Variants in FANCE observed in about 807,000 individuals in gnomAD.
FANCE encodes FA complementation group E.
In FANCE, 42 loss-of-function variants were observed where a neutral mutation model predicts 57.8. The ratio of observed to expected loss-of-function variants is 0.73; its 90% CI spans 0.57 to 0.94. The LOEUF (loss-of-function observed/expected upper bound fraction) is 0.94, where lower values mean the gene tolerates loss of function less well. Ranked by LOEUF, FANCE falls within the 40% of genes least tolerant of loss-of-function variation. FANCE has a pLI of 0.00. For missense variants in FANCE, 608 were observed against 661.8 expected (o/e 0.92, Z 0.89); for synonymous variants, 251 against 286.4 (o/e 0.88, Z 1.25).
At chr6:35,462,117 A>ATTTTTT (rs1554122312) in intron 8 of FANCE, among the ~76,000 whole-genome samples, 3 of 149,824 alleles carry the variant, frequency 2.0e-5, no homozygotes, top group African/African-American at 7.4e-5. Flanking sequence ...AATAATTATT[A>ATTTTTT]TTTTTTTTGA....
At position 35,462,794 on chromosome 6, in the gene FANCE, G is replaced by A; in HGVS notation, c.1389G>A (p.Glu463=). 2 of 1,614,154 alleles carry A rather than the reference G, an allele frequency of 1.2e-6. No individual in the cohort carries two copies. The highest frequency in any genetic ancestry group is 1.7e-6 in the Non-Finnish European group (2 of 1,179,986). The change falls in exon 9 of 10, where the codon GAG becomes GAA. Residue 463 remains glutamate, a synonymous_variant. Transcript: ENST00000229769. ...CCATCTCCCAATGTGTGCAGGTGGA[G>A]ATGACCCCTGAGAAGTTCAGTGTCT... ...VLQSLLERQV[E]MTPEKFSVLM...
At chr6:35,461,293 G>A (rs1202224517) in intron 8 of FANCE, among the ~76,000 whole-genome samples, 1 of 152,176 alleles carries the variant, frequency 6.6e-6, no homozygotes, top group African/African-American at 2.4e-5. Context: ...CAAAGGGCTG[G>A]GATTAAAAGC....
chr6:35,452,840 C>T, intron 1 of FANCE, 47 bp downstream of exon 1: 4 of 1,281,638 alleles, frequency 3.1e-6, no homozygotes, highest in East Asian at 3.1e-5. Context: ...AGGCGGGGGG[C>T]TGTCGGGGGA....
chr6:35,457,563 T>C lies in FANCE; in HGVS notation c.863T>C (p.Leu288Pro), dbSNP rs773473387. ...LELPKAIQDQLPRLQQLLKTL... is the reference protein window; with the variant it reads ...LELPKAIQDQPPRLQQLLKTL... The stretch of plus-strand genomic sequence containing the variant: ...CTGGGCTCTCCTCCACAGGACCAGC[T>C]TCCCAGGCTGCAGCAGCTGCTGAAG... The change falls in exon 3 of 10, where the codon CTT becomes CCT. Residue 288 changes from leucine to proline, a missense_variant. Coordinates refer to ENST00000229769, the MANE Select transcript of FANCE (RefSeq NM_021922.3). 6.2e-7 allele frequency: 1 copy of C among 1,613,870 alleles called. No homozygotes were observed. Among genetic ancestry groups the C allele is most frequent in the South Asian group, 1.1e-5 (1 of 91,074 alleles).
At position 35,452,507 on chromosome 6, in the gene FANCE, A is replaced by G. The variant is rs563275313; in HGVS notation, c.-39A>G. 2.6e-4 allele frequency: 328 copies of G among 1,245,858 alleles called. 1 individual carries two copies. The African/African-American group carries it at 4.2e-3, about 16-fold the overall frequency. 77.2% of individuals were successfully genotyped at this position (1,245,858 alleles called of 1,614,324 possible). ...CCCTCAGCCTCTGAGCTGAGGCCCC[A>G]CACCAGAGTAGGGGGCGGCGCGGCA... On this transcript the variant is annotated 5_prime_UTR_variant, in exon 1 of 10. Transcript: ENST00000229769.
chr6:35,455,894 G>A lies in FANCE; in HGVS notation c.396G>A (p.Trp132Ter), dbSNP rs866005940. 2 of 1,614,192 alleles carry A rather than the reference G, an allele frequency of 1.2e-6. No homozygotes were observed. The highest frequency in any genetic ancestry group is 1.1e-5 in the South Asian group (1 of 91,088). Residue 132 changes from tryptophan (W) to a stop codon, truncating the protein, a stop_gained, in exon 2 of 10, where the codon TGG (tryptophan) becomes TGA (stop). Coordinates refer to ENST00000229769, the MANE Select transcript of FANCE (RefSeq NM_021922.3). LOFTEE classifies it high-confidence loss of function. ...ACCTAGCCCCTGACCCAGATGCCTG[G>A]CTCCGTGCCCTGGGGGAATTGCTGC... ...QQDLAPDPDA[W>*]LRALGELLRR...
Position 35,452,483 on chromosome 6 carries a change from C to T in FANCE, c.-63C>T, listed in dbSNP as rs902928030. 196 of 1,217,842 alleles carry T rather than the reference C, an allele frequency of 1.6e-4. 1 individual carries two copies. In the African/African-American group the frequency reaches 2.5e-3, roughly 15 times the overall value. 75.4% of individuals were successfully genotyped at this position (1,217,842 alleles called of 1,614,324 possible). On this transcript the variant is annotated 5_prime_UTR_variant, in exon 1 of 10. Transcript: ENST00000229769. ...GGACGGCGCTGGAGTCCTCCGTTCC[C>T]CTCAGCCTCTGAGCTGAGGCCCCAC...
intron 5 of FANCE, 104 bp downstream of exon 5, chr6:35,458,544 C>T: frequency 1.4e-6 from 2 of 1,442,608 alleles, no homozygotes; most frequent in Non-Finnish European, 1.9e-6. Context: ...GCCTTGTAGA[C>T]ATCTGGGCTG....
At chr6:35,455,019 GAC>G (rs1237746239) in intron 1 of FANCE, among the ~76,000 whole-genome samples, 1 of 152,266 alleles carries the variant, frequency 6.6e-6, no homozygotes, top group Non-Finnish European at 1.5e-5. Context: ...CTGGACAGAT[GAC>G]TGACCCCGAG....
chr6:35,457,225 C>T (rs1767382268), intron 2 of FANCE, among the ~76,000 whole-genome samples: 2 of 152,064 alleles, frequency 1.3e-5, no homozygotes, highest in Admixed American at 6.5e-5. Flanking sequence ...CTCCTGGGCT[C>T]AAGTGATCCT....
At position 35,452,375 on chromosome 6, in the gene FANCE, C is replaced by T. The variant is rs987975923; in HGVS notation, c.-171C>T. ...GACAGCGCGGGAACGGCTGCGGCTTCGGGCGGCCGGGTTTCTCCGGTCTCC... is the reference window on the plus strand; with the variant it reads ...GACAGCGCGGGAACGGCTGCGGCTTTGGGCGGCCGGGTTTCTCCGGTCTCC... On this transcript the variant is annotated 5_prime_UTR_variant, in exon 1 of 10. Coordinates refer to ENST00000229769, the MANE Select transcript of FANCE (RefSeq NM_021922.3). 4.4e-6 allele frequency: 3 copies of T among 674,738 alleles called. No individual in the cohort carries two copies. The highest frequency in any genetic ancestry group is 5.1e-4 in the Middle Eastern group (1 of 1,970). 41.8% of individuals were successfully genotyped at this position (674,738 alleles called of 1,614,324 possible).
chr6:35,466,570 T>C lies in FANCE; in HGVS notation c.*225T>C, dbSNP rs1767848319. On this transcript the variant is annotated 3_prime_UTR_variant, in exon 10 of 10. Transcript: ENST00000229769. ...AGCTCAGCTATATTTTCTTTTTCAT[T>C]TCTTTTGTTTTTGAGAGAAGGTATT... The C allele has an allele frequency of 1.9e-6, 1 of 537,838 alleles. No homozygotes were observed. The highest frequency in any genetic ancestry group is 1.9e-5 in the African/African-American group (1 of 52,766). The allele number at this position is 537,838 out of a possible 1,614,324, so 33.3% of individuals were successfully genotyped here.
Position 35,452,504 on chromosome 6 carries a change from C to A in FANCE, c.-42C>A. ...TTCCCCTCAGCCTCTGAGCTGAGGC[C>A]CCACACCAGAGTAGGGGGCGGCGCG... On this transcript the variant is annotated 5_prime_UTR_variant, in exon 1 of 10. Transcript: ENST00000229769. 1 of 1,244,270 alleles carries A rather than the reference C, an allele frequency of 8.0e-7. No homozygotes were observed. The highest frequency in any genetic ancestry group is 1.0e-6 in the Non-Finnish European group (1 of 993,946). 77.1% of individuals were successfully genotyped at this position (1,244,270 alleles called of 1,614,324 possible).
At chr6:35,460,316 A>G (rs1767535667) in intron 7 of FANCE, among the ~76,000 whole-genome samples, 1 of 152,102 alleles carries the variant, frequency 6.6e-6, no homozygotes, top group African/African-American at 2.4e-5. Context: ...GGATTTCACC[A>G]TGTTGGCCAG....
At chr6:35,461,374 C>T (rs1327637659) in intron 8 of FANCE, among the ~76,000 whole-genome samples, 3 of 152,140 alleles carry the variant, frequency 2.0e-5, no homozygotes, top group African/African-American at 7.2e-5. Context: ...AAAATATTCC[C>T]CTTACTTCTC....
Position 35,452,773 on chromosome 6 carries a change from G to T in FANCE, c.228G>T (p.Gly76=). The part of the protein sequence containing the change: ...ALCREEPVVQ[G]PDGRLELKPL... ...GCCGGGAGGAGCCGGTCGTGCAGGGGCCTGACGGCCGTCTGGAGCTGTAAG... is the reference window on the plus strand; with the variant it reads ...GCCGGGAGGAGCCGGTCGTGCAGGGTCCTGACGGCCGTCTGGAGCTGTAAG... The change falls in exon 1 of 10, where the codon GGG becomes GGT. Residue 76 remains glycine, a synonymous_variant. Coordinates refer to ENST00000229769, the MANE Select transcript of FANCE (RefSeq NM_021922.3). 7.7e-7 allele frequency: 1 copy of T among 1,300,708 alleles called. No individual in the cohort carries two copies. Among genetic ancestry groups the T allele is most frequent in the South Asian group, 2.2e-5 (1 of 46,238 alleles). The allele number at this position is 1,300,708 out of a possible 1,614,324, so 80.6% of individuals were successfully genotyped here.
Position 35,466,183 on chromosome 6 carries a change from T to C in FANCE, c.1510-61T>C, listed in dbSNP as rs541432941. The C allele has an allele frequency of 3.2e-5, 33 of 1,038,202 alleles. No homozygotes were observed. The South Asian group carries it at 4.0e-4, about 13-fold the overall frequency. 64.3% of individuals were successfully genotyped at this position (1,038,202 alleles called of 1,614,324 possible). A position where few individuals can be genotyped will look rare whatever the true frequency, so the allele number is the denominator to read the frequency against. ...TCTCTCCTCAATAGAGCCCCTGGGG[T>C]AGTCGGGAGACGGGAGGGATCAGTT... On this transcript the variant is annotated intron_variant, in intron 9 of 9. Coordinates refer to ENST00000229769, the MANE Select transcript of FANCE (RefSeq NM_021922.3).
At chr6:35,459,481 A>C in intron 6 of FANCE, 27 bp downstream of exon 6, 1 of 1,613,704 alleles carries the variant, frequency 6.2e-7, no homozygotes, top group Non-Finnish European at 8.5e-7. Flanking sequence ...CCCCAGGCCC[A>C]GTAGCTCTGC....
Position 35,456,288 on chromosome 6 carries a change from G to T in FANCE, c.790G>T (p.Asp264Tyr). Reference protein sequence around the residue: ...QPVMAVKTGEDGSNLDDAKGL... With the variant: ...QPVMAVKTGEYGSNLDDAKGL... ...TGTCATGGCAGTTAAGACTGGCGAG[G>T]ACGGTTCGAATCTGGATGATGCTAA... is the stretch of plus-strand genomic sequence containing the variant. The change falls in exon 2 of 10, where the codon GAC becomes TAC. Residue 264 changes from aspartate (D) to tyrosine (Y), a missense_variant. Physicochemically the swap from Asp to Tyr is radical, Grantham distance 160. Coordinates refer to ENST00000229769, the MANE Select transcript of FANCE (RefSeq NM_021922.3). The surrounding 1 kb of genome is among the most constrained non-coding windows in gnomAD (Gnocchi z 4.3). 1 of 1,614,206 alleles carries T rather than the reference G, an allele frequency of 6.2e-7. No individual in the cohort carries two copies. The highest frequency in any genetic ancestry group is 1.1e-5 in the South Asian group (1 of 91,080).
Sources: allele counts gnomAD v4.1 joint callset (sites outside exome capture counted in the v4.1 genomes callset), GRCh38; gene constraint gnomAD v4.1.1; non-coding constraint Gnocchi (gnomAD v3.1); transcripts MANE v1.5; gene names NCBI Gene and HGNC (gene_info 2026-07-23, HGNC 2026-07-21).